Variants in BABAM2 observed in about 807,000 individuals in gnomAD.
BABAM2 encodes BRISC and BRCA1 A complex member 2, also known as BRISC and BRCA1-A complex member 2.
A neutral mutation model predicts 54.7 loss-of-function variants in BABAM2; 31 were observed. That is an observed-to-expected ratio of 0.57 (90% CI 0.43 to 0.77). The LOEUF (loss-of-function observed/expected upper bound fraction) is 0.77. Ranked by LOEUF, BABAM2 falls within the 30% of genes least tolerant of loss-of-function variation. BABAM2 has a pLI of 0.00. For missense variants in BABAM2, 364 were observed against 455.8 expected, an observed-to-expected ratio of 0.80 and a Z score of 1.83; for synonymous variants, 167 against 162.9, an observed-to-expected ratio of 1.03 and a Z score of -0.19.
chr2:28,015,621 T>TA (rs1674744974), intron 4 of BABAM2, among the ~76,000 whole-genome samples: 1 of 152,288 alleles, frequency 6.6e-6, no homozygotes, highest in Non-Finnish European at 1.5e-5. Flanking sequence ...GGCTACTGAA[T>TA]AGTCCAGGAA....
intron 11 of BABAM2, chr2:28,327,203 C>A: frequency 6.7e-7 from 1 of 1,496,132 alleles, no homozygotes; most frequent in Non-Finnish European, 9.0e-7. Context: ...CCCATTAGGA[C>A]TACCCTGTCC....
chr2:27,997,485 C>T (rs1447628323), intron 4 of BABAM2, among the ~76,000 whole-genome samples: 1 of 152,066 alleles, frequency 6.6e-6, no homozygotes, highest in Non-Finnish European at 1.5e-5. Flanking sequence ...TAGAAGAACC[C>T]TGGTTCAAAA....
In BABAM2 at chr2:28,315,122, G is replaced by A. The variant is rs575075392; in HGVS notation, c.1088+16631G>A. Among the ~76,000 whole-genome samples, 4 of 131,934 alleles carry A rather than the reference G, an allele frequency of 3.0e-5. No individual in the cohort carries two copies. The South Asian group carries it at 9.3e-4, about 31-fold the overall frequency. The allele number at this position is 131,934 out of a possible 152,430, so 86.6% of individuals were successfully genotyped here. ...GGGGAGAGGAGGGGAAAAGGGGAAG[G>A]GAAGGGAGAGAAGGAGAGGGGAGGA... On this transcript the variant is annotated intron_variant, in intron 11 of 11. Coordinates refer to ENST00000379624, the MANE Select transcript of BABAM2 (RefSeq NM_199191.3).
At chr2:28,264,420 T>G (rs753841259) in intron 10 of BABAM2, among the ~76,000 whole-genome samples, 1 of 152,258 alleles carries the variant, frequency 6.6e-6, no homozygotes, top group Non-Finnish European at 1.5e-5. Context: ...AAACCTCATC[T>G]GTATTATAAA....
At chr2:28,129,882 C>T (rs974266780) in intron 7 of BABAM2, among the ~76,000 whole-genome samples, 2 of 152,130 alleles carry the variant, frequency 1.3e-5, no homozygotes, top group South Asian at 2.1e-4. Flanking sequence ...GAAATAGCTG[C>T]GTATAATTTT....
At chr2:28,252,228 G>GA (rs140209966) in intron 10 of BABAM2, among the ~76,000 whole-genome samples, 20,133 of 150,692 alleles carry the variant, frequency 0.13, 1,644 homozygotes, top group African/African-American at 0.23. Flanking sequence ...CAACAGGAAT[G>GA]AAAATTAATT....
chr2:27,995,979 A>G lies in BABAM2; in HGVS notation c.300+7892A>G, dbSNP rs1383982211. ...AATTATCTGGTTAACTTATCTTTTC[A>G]TCTATATCTAAATGGCTTTCTCCAC... On this transcript the variant is annotated intron_variant, in intron 4 of 11. Coordinates refer to ENST00000379624, the MANE Select transcript of BABAM2 (RefSeq NM_199191.3). The surrounding 1 kb of genome is among the most constrained non-coding windows in gnomAD (Gnocchi z 4.1). Among the ~76,000 whole-genome samples the G allele has an allele frequency of 6.6e-6, 1 of 152,160 alleles. No homozygotes were observed. The highest frequency in any genetic ancestry group is 1.5e-5 in the Non-Finnish European group (1 of 68,022).
intron 3 of BABAM2, 178 bp downstream of exon 3, chr2:27,930,086 G>A (rs1667983747): frequency 1.7e-6 from 1 of 578,556 alleles, no homozygotes. Context: ...AAGGCAGTTG[G>A]CAGGGAATAC....
At chr2:28,231,925 A>G (rs967053325) in intron 7 of BABAM2, among the ~76,000 whole-genome samples, 3 of 148,362 alleles carry the variant, frequency 2.0e-5, no homozygotes, top group African/African-American at 7.6e-5. Context: ...CTCTTGCCTC[A>G]GGCTCCTGAG....
intron 5 of BABAM2, among the ~76,000 whole-genome samples, chr2:28,033,542 T>C (rs1304523189): frequency 6.6e-6 from 1 of 152,118 alleles, no homozygotes; most frequent in East Asian, 1.9e-4. Flanking sequence ...AATCTCTCTC[T>C]TCTTGTAAAG....
At chr2:28,083,772 C>A (rs563253998) in intron 6 of BABAM2, among the ~76,000 whole-genome samples, 39 of 152,010 alleles carry the variant, frequency 2.6e-4, no homozygotes, top group African/African-American at 8.7e-4. Flanking sequence ...TTTGTCCCAG[C>A]GAGTGGCCAT....
chr2:28,163,216 A>G (rs554678278), intron 7 of BABAM2, among the ~76,000 whole-genome samples: 1 of 152,096 alleles, frequency 6.6e-6, no homozygotes, highest in Non-Finnish European at 1.5e-5. Flanking sequence ...TTCCCCCATG[A>G]CCTTCTTCTG....
At chr2:28,315,420 T>TC (rs1558524638) in intron 11 of BABAM2, among the ~76,000 whole-genome samples, 8 of 141,874 alleles carry the variant, frequency 5.6e-5, no homozygotes, top group Non-Finnish European at 1.1e-4. Context: ...TGTGTGGTTC[T>TC]TTTTTCTTTT....
intron 7 of BABAM2, among the ~76,000 whole-genome samples, chr2:28,181,198 A>C (rs1038170283): frequency 6.6e-5 from 10 of 152,182 alleles, no homozygotes; most frequent in African/African-American, 2.4e-4. Flanking sequence ...TTGCAGTACT[A>C]TTTACAGTAA....
chr2:28,180,503 A>G (rs1436905760), intron 7 of BABAM2, among the ~76,000 whole-genome samples: 1 of 152,152 alleles, frequency 6.6e-6, no homozygotes, highest in Non-Finnish European at 1.5e-5. Flanking sequence ...ACCTGAAGCT[A>G]TAAAACTACT....
chr2:27,909,697 C>G (rs1158433357), intron 2 of BABAM2, among the ~76,000 whole-genome samples: 1 of 152,154 alleles, frequency 6.6e-6, no homozygotes, highest in Non-Finnish European at 1.5e-5. Flanking sequence ...TGAGCCAGAC[C>G]TTTGTATCAC....
chr2:28,017,971 G>A (rs952392984), intron 4 of BABAM2, among the ~76,000 whole-genome samples: 3 of 152,148 alleles, frequency 2.0e-5, no homozygotes, highest in Admixed American at 2.0e-4. Context: ...ATGAACATTT[G>A]TGTACAGGTT....
intron 11 of BABAM2, among the ~76,000 whole-genome samples, chr2:28,336,178 G>T (rs1261661378): frequency 6.6e-6 from 1 of 152,182 alleles, no homozygotes; most frequent in Non-Finnish European, 1.5e-5. Flanking sequence ...AGCTTCTGCA[G>T]CAGTGCCATC....
intron 2 of BABAM2, among the ~76,000 whole-genome samples, chr2:27,909,601 G>A (rs1020057213): frequency 1.3e-5 from 2 of 152,122 alleles, no homozygotes; most frequent in Non-Finnish European, 2.9e-5. Flanking sequence ...TCTCCAGTTG[G>A]TTAAATTTCT....
Sources: allele counts gnomAD v4.1 joint callset (sites outside exome capture counted in the v4.1 genomes callset), GRCh38; gene constraint gnomAD v4.1.1; non-coding constraint Gnocchi (gnomAD v3.1); transcripts MANE v1.5; gene names NCBI Gene and HGNC (gene_info 2026-07-23, HGNC 2026-07-21).